Variants in CRTC2 observed in about 807,000 individuals in gnomAD.
CRTC2 encodes CREB regulated transcription coactivator 2.
Under a neutral mutation model 70.9 loss-of-function variants are expected in CRTC2, and 25 were observed. The observed-to-expected ratio is 0.35, with a 90% confidence interval of 0.26 to 0.49. The LOEUF is 0.49. CRTC2 is among the 20% of genes least tolerant of loss of function. The pLI is 0.98. For missense variants in CRTC2, 737 were observed against 882.6 expected, an observed-to-expected ratio of 0.83 and a Z score of 2.09; for synonymous variants, 330 against 364.1, an observed-to-expected ratio of 0.91 and a Z score of 1.07.
chr1:153,953,218 A>G (rs1308117024), intron 6 of CRTC2, 48 bp downstream of exon 6: 2 of 922,946 alleles, frequency 2.2e-6, no homozygotes, highest in African/African-American at 3.4e-5. Context: ...TAAATAAATA[A>G]ATAAATAGCT....
In CRTC2 at chr1:153,951,373, G is replaced by A; in HGVS notation, c.1291C>T (p.Pro431Ser). Residue 431 changes from proline (P) to serine (S), a missense_variant, in exon 11 of 14, where the codon CCC (proline) becomes TCC (serine). Pro to Ser is a moderately conservative substitution (Grantham distance 74). Transcript: ENST00000368633. ...PGASPHHRRV[P>S]LSPLSLLAGP... ...GCGAGCAAACTCAGGGGGCTGAGGG[G>A]CACACGGCGGTGGTGGGGGGAGGCC... 6.2e-7 allele frequency: 1 copy of A among 1,612,116 alleles called. No homozygotes were observed. The highest frequency in any genetic ancestry group is 8.5e-7 in the Non-Finnish European group (1 of 1,179,004).
chr1:153,949,780 T>C (rs1465107467), intron 11 of CRTC2, among the ~76,000 whole-genome samples: 1 of 150,812 alleles, frequency 6.6e-6, no homozygotes, highest in Non-Finnish European at 1.5e-5. Flanking sequence ...ACCCAGGAAG[T>C]GGGAGGTTGC....
At chr1:153,956,178 G>C (rs1009646163) in intron 1 of CRTC2, among the ~76,000 whole-genome samples, 1 of 152,198 alleles carries the variant, frequency 6.6e-6, no homozygotes, top group South Asian at 2.1e-4. Flanking sequence ...TCTCCTAGCT[G>C]GAAAAACAGC....
intron 1 of CRTC2, 172 bp downstream of exon 1, chr1:153,958,172 CA>C: frequency 7.0e-7 from 1 of 1,422,772 alleles, no homozygotes; most frequent in Non-Finnish European, 9.2e-7. Context: ...TCTCCCCCGG[CA>C]AAATCCTTCT....
chr1:153,956,590 G>A lies in CRTC2; in HGVS notation c.154-1424C>T, dbSNP rs1680626099. ...CCAGGAGGTCAGCCTAGTGAGCACT[G>A]TGCTGACCTCTGGACCACTTGAAGA... On this transcript the variant is annotated intron_variant, in intron 1 of 13. Coordinates refer to ENST00000368633, the MANE Select transcript of CRTC2 (RefSeq NM_181715.3). Among the ~76,000 whole-genome samples, 3 of 152,120 alleles carry A rather than the reference G, an allele frequency of 2.0e-5. No individual in the cohort carries two copies. In the South Asian group the frequency reaches 6.2e-4, roughly 32 times the overall value.
In CRTC2 at chr1:153,958,545, C is replaced by G; in HGVS notation, c.-48G>C. The G allele has an allele frequency of 6.6e-7, 1 of 1,516,668 alleles. No homozygotes were observed. Among genetic ancestry groups the G allele is most frequent in the Non-Finnish European group, 8.9e-7 (1 of 1,128,218 alleles). 94.0% of individuals were successfully genotyped at this position (1,516,668 alleles called of 1,614,324 possible). ...CCACCCTCCCAGTACCAGCCGCGGC[C>G]TCCGCCGCGGCCTCGGCCCGGCTCC... On this transcript the variant is annotated 5_prime_UTR_variant, in exon 1 of 14. Transcript: ENST00000368633.
At chr1:153,957,851 C>G (rs377721763) in intron 1 of CRTC2, among the ~76,000 whole-genome samples, 35 of 152,272 alleles carry the variant, frequency 2.3e-4, no homozygotes, top group African/African-American at 7.9e-4. Flanking sequence ...CCCCACTATA[C>G]ACAGCACCGC....
chr1:153,951,042 C>A (rs1037020379), intron 11 of CRTC2, among the ~76,000 whole-genome samples: 3 of 152,046 alleles, frequency 2.0e-5, no homozygotes, highest in African/African-American at 7.3e-5. Context: ...AGAGGTGGAG[C>A]CAGGGTTTGA....
At chr1:153,952,711 G>A in intron 7 of CRTC2, 76 bp from the exon 8 acceptor site, 1 of 1,600,844 alleles carries the variant, frequency 6.2e-7, no homozygotes, top group Non-Finnish European at 8.6e-7. Context: ...GAAGCAGGTG[G>A]GAAGGAGTCC....
rs777437320 is a variant in CRTC2, at chr1:153,952,197, C to T, written c.818G>A (p.Gly273Asp). 1 of 1,613,078 alleles carries T rather than the reference C, an allele frequency of 6.2e-7. No homozygotes were observed. Among genetic ancestry groups the T allele is most frequent in the Non-Finnish European group, 8.5e-7 (1 of 1,179,452 alleles). The part of the protein sequence containing the change: ...PVLPPAMNTG[G>D]SLPDLTNLHF... ...CAGGTTGGTGAGGTCAGGTAGGGAG[C>T]CCCCCGTGTTCATGGCAGGTGGGAG... is the stretch of plus-strand genomic sequence containing the variant. The change falls in exon 10 of 14, where the codon GGC becomes GAC. Residue 273 changes from glycine (G) to aspartate (D), a missense_variant. Transcript: ENST00000368633.
At chr1:153,955,426 G>C (rs1288396834) in intron 1 of CRTC2, among the ~76,000 whole-genome samples, 1 of 151,784 alleles carries the variant, frequency 6.6e-6, no homozygotes, top group Non-Finnish European at 1.5e-5. Flanking sequence ...AATTAGCCGG[G>C]CGTGGTGGCG....
At chr1:153,958,090 T>A in intron 1 of CRTC2, 1 of 1,371,408 alleles carries the variant, frequency 7.3e-7, no homozygotes, top group Non-Finnish European at 9.4e-7. Context: ...TCATCTCCCC[T>A]CTCCGCCCAC....
intron 13 of CRTC2, 36 bp downstream of exon 13, chr1:153,948,422 T>A: frequency 6.2e-7 from 1 of 1,608,030 alleles, no homozygotes; most frequent in Non-Finnish European, 8.5e-7. Flanking sequence ...TGTCACTTCC[T>A]CCTTCCATTT....
intron 4 of CRTC2, 140 bp downstream of exon 4, chr1:153,954,115 C>T: frequency 1.5e-6 from 1 of 689,582 alleles, no homozygotes; most frequent in Non-Finnish European, 2.6e-6. Flanking sequence ...CTGTCTCCAC[C>T]TCTCTCAGCC....
chr1:153,952,533 G>A (rs755388570), intron 8 of CRTC2, 38 bp downstream of exon 8: 1 of 1,612,514 alleles, frequency 6.2e-7, no homozygotes, highest in Non-Finnish European at 8.5e-7. Context: ...GGGGATAGCA[G>A]AGAGACTAGT....
At position 153,952,578 on chromosome 1, in the gene CRTC2, G is replaced by A. The variant is rs531910512; in HGVS notation, c.695C>T (p.Ala232Val). The change falls in exon 8 of 14, where the codon GCT becomes GTT. Residue 232 changes from alanine (A) to valine (V), a missense_variant. Ala to Val is a moderately conservative substitution (Grantham distance 64, BLOSUM62 0). Coordinates refer to ENST00000368633, the MANE Select transcript of CRTC2 (RefSeq NM_181715.3). ...CCGGTGGCCTCCTCCTACCTTCTTA[G>A]CATCCCATGGCTTCAGCAAATGCTT... The part of the protein sequence containing the change: ...DDKHLLKPWD[A>V]KKLSSSSSRP... 2 of 1,614,176 alleles carry A rather than the reference G, an allele frequency of 1.2e-6. No individual in the cohort carries two copies. Among genetic ancestry groups the A allele is most frequent in the Admixed American group, 3.3e-5 (2 of 60,030 alleles).
chr1:153,949,511 A>G (rs1680210390), intron 11 of CRTC2, 127 bp from the exon 12 acceptor site: 1 of 1,017,824 alleles, frequency 9.8e-7, no homozygotes, highest in African/African-American at 1.6e-5. Flanking sequence ...CCACATTCTC[A>G]CGGGCATCCC....
chr1:153,949,219 G>T lies in CRTC2; in HGVS notation c.1570C>A (p.Pro524Thr). The T allele has an allele frequency of 5.0e-6, 8 of 1,614,118 alleles. No individual in the cohort carries two copies. The highest frequency in any genetic ancestry group is 6.8e-6 in the Non-Finnish European group (8 of 1,180,022). The change falls in exon 12 of 14, where the codon CCC becomes ACC. Residue 524 changes from proline (P) to threonine (T), a missense_variant. By Grantham distance (38) the Pro-to-Thr change is conservative (BLOSUM62 -1). Coordinates refer to ENST00000368633, the MANE Select transcript of CRTC2 (RefSeq NM_181715.3). Reference protein sequence around the residue: ...SCSVQSSGGQPPGRQSHYGTP... With the variant: ...SCSVQSSGGQTPGRQSHYGTP... ...CCATAATGAGACTGCCTGCCTGGGG[G>T]CTGCCCACCTGAGGACTGCACTGAA...
At chr1:153,954,585 G>A (rs1205467843) in intron 3 of CRTC2, among the ~76,000 whole-genome samples, 1 of 152,222 alleles carries the variant, frequency 6.6e-6, no homozygotes, top group East Asian at 1.9e-4. Flanking sequence ...TCTGAGAAGA[G>A]ACCCAATCTC....
Sources: allele counts gnomAD v4.1 joint callset (sites outside exome capture counted in the v4.1 genomes callset), GRCh38; gene constraint gnomAD v4.1.1; transcripts MANE v1.5; gene names NCBI Gene and HGNC (gene_info 2026-07-23, HGNC 2026-07-21).